The following NPHP1 variants were observed in gnomAD, a reference collection of about 807,000 sequenced individuals.
NPHP1 encodes nephrocystin-1.
Under a neutral mutation model 90.4 loss-of-function variants are expected in NPHP1, and 70 were observed. The ratio of observed to expected loss-of-function variants is 0.77; its 90% CI spans 0.64 to 0.95. The LOEUF (loss-of-function observed/expected upper bound fraction) is 0.95. Ranked by LOEUF, NPHP1 falls within the 40% of genes least tolerant of loss-of-function variation. The probability of loss-of-function intolerance (pLI) is 0.00; values close to 1 mark genes in which losing one functional copy is unlikely to be tolerated. For missense variants in NPHP1, 764 were observed against 795.9 expected (o/e 0.96, Z 0.48); for synonymous variants, 256 against 271.7 (o/e 0.94, Z 0.57).
intron 17 of NPHP1, among the ~76,000 whole-genome samples, chr2:110,131,432 C>T (rs560209816): frequency 6.6e-6 from 1 of 152,260 alleles, no homozygotes; most frequent in South Asian, 2.1e-4. Context: ...CTCTTGGGAT[C>T]TCAAAACTCT....
intron 2 of NPHP1, among the ~76,000 whole-genome samples, chr2:110,192,424 G>A (rs1574194216): frequency 1.3e-5 from 2 of 152,154 alleles, no homozygotes; most frequent in East Asian, 3.9e-4. Context: ...AAGATCAAAT[G>A]AATGAAATAA....
intron 2 of NPHP1, among the ~76,000 whole-genome samples, chr2:110,192,340 A>T (rs1057287360): frequency 1.6e-4 from 24 of 152,200 alleles, no homozygotes; most frequent in Admixed American, 3.3e-4. Flanking sequence ...AAACCATGGC[A>T]CAAGAACTAC....
intron 2 of NPHP1, among the ~76,000 whole-genome samples, chr2:110,194,270 A>G (rs909257471): frequency 3.3e-5 from 5 of 152,096 alleles, no homozygotes; most frequent in African/African-American, 1.2e-4. Context: ...CAAGACTAAT[A>G]AAGAAGAAAA....
intron 2 of NPHP1, among the ~76,000 whole-genome samples, chr2:110,195,559 C>G (rs1203788338): frequency 1.3e-5 from 2 of 152,072 alleles, no homozygotes; most frequent in Non-Finnish European, 1.5e-5. Flanking sequence ...GTATCAATAT[C>G]GTGAAAATGA....
intron 16 of NPHP1, among the ~76,000 whole-genome samples, chr2:110,138,168 C>G (rs1445359651): frequency 6.9e-6 from 1 of 144,612 alleles, no homozygotes. Context: ...ACACCGGGGC[C>G]TGTTGTGGGG....
At chr2:110,186,154 A>G (rs1251121893) in intron 2 of NPHP1, among the ~76,000 whole-genome samples, 1 of 152,070 alleles carries the variant, frequency 6.6e-6, no homozygotes, top group Non-Finnish European at 1.5e-5. Flanking sequence ...ATTGGTAGCT[A>G]TACTCAAAGA....
intron 6 of NPHP1, 52 bp from the exon 7 acceptor site, chr2:110,165,207 C>G (rs780526560): frequency 7.3e-7 from 1 of 1,377,284 alleles, no homozygotes; most frequent in Non-Finnish European, 1.0e-6. Flanking sequence ...AAAAAACAAC[C>G]AATAAAAATA....
At chr2:110,126,049 T>C (rs913695772) in intron 18 of NPHP1, 31 of 291,970 alleles carry the variant, frequency 1.1e-4, no homozygotes, top group Non-Finnish European at 9.2e-5. Flanking sequence ...CACTGCCAAA[T>C]ACCAAACTTT....
At chr2:110,150,425 G>A (rs139613348) in intron 11 of NPHP1, among the ~76,000 whole-genome samples, 169 bp from the exon 12 acceptor site, 85 of 152,138 alleles carry the variant, frequency 5.6e-4, no homozygotes, top group African/African-American at 2.0e-3. Flanking sequence ...TTTATATCAG[G>A]TATGACATAA....
intron 2 of NPHP1, among the ~76,000 whole-genome samples, chr2:110,183,261 T>C (rs950553075): frequency 2.6e-5 from 4 of 152,246 alleles, no homozygotes; most frequent in Admixed American, 1.3e-4. Flanking sequence ...TTTACCAGAA[T>C]GAGGGAAAGG....
chr2:110,196,247 T>A (rs1432960263), intron 2 of NPHP1, among the ~76,000 whole-genome samples: 1 of 152,004 alleles, frequency 6.6e-6, no homozygotes, highest in Non-Finnish European at 1.5e-5. Context: ...ATTGTTGCAA[T>A]CTACTCATCT....
intron 4 of NPHP1, among the ~76,000 whole-genome samples, chr2:110,172,962 CTT>C (rs559012343): frequency 6.6e-5 from 9 of 136,068 alleles, no homozygotes; most frequent in Non-Finnish European, 7.9e-5. Flanking sequence ...TTTTCTTTTT[CTT>C]TTTTTTTTTT....
intron 4 of NPHP1, among the ~76,000 whole-genome samples, chr2:110,172,144 A>G (rs1044289735): frequency 6.6e-6 from 1 of 152,122 alleles, no homozygotes; most frequent in Non-Finnish European, 1.5e-5. Flanking sequence ...TTTCTTTTTA[A>G]AGAAACTAAT....
intron 11 of NPHP1, among the ~76,000 whole-genome samples, chr2:110,159,258 G>A (rs1057254209): frequency 2.6e-4 from 40 of 151,798 alleles, no homozygotes; most frequent in Admixed American, 1.1e-3. Context: ...GTAATGTCTT[G>A]TCATATTCTG....
At chr2:110,132,000 A>T (rs1245068479) in intron 16 of NPHP1, among the ~76,000 whole-genome samples, 2 of 152,162 alleles carry the variant, frequency 1.3e-5, no homozygotes, top group Admixed American at 1.3e-4. Flanking sequence ...TCGAGTCTCA[A>T]CCCTGTGTTG....
chr2:110,162,994 G>T, intron 9 of NPHP1, 54 bp downstream of exon 9: 1 of 1,216,854 alleles, frequency 8.2e-7, no homozygotes, highest in Non-Finnish European at 1.2e-6. Context: ...AAAATTAGAC[G>T]TGGATCTTGA....
intron 19 of NPHP1, chr2:110,125,215 T>G (rs1409297976): frequency 7.8e-6 from 12 of 1,535,042 alleles, no homozygotes; most frequent in Non-Finnish European, 7.8e-6. Flanking sequence ...GGATTGGTAA[T>G]TACCATGATT....
intron 16 of NPHP1, among the ~76,000 whole-genome samples, chr2:110,134,197 G>A (rs1280522147): frequency 6.6e-6 from 1 of 151,948 alleles, no homozygotes; most frequent in African/African-American, 2.4e-5. Flanking sequence ...TAAAAAATGT[G>A]TAAGAGAGTA....
At chr2:110,140,879 T>C (rs900218705) in intron 16 of NPHP1, among the ~76,000 whole-genome samples, 2 of 152,206 alleles carry the variant, frequency 1.3e-5, no homozygotes, top group African/African-American at 4.8e-5. Context: ...GTTAACACTA[T>C]AATTATAAAA....
Sources: allele counts gnomAD v4.1 joint callset (sites outside exome capture counted in the v4.1 genomes callset), GRCh38; gene constraint gnomAD v4.1.1; transcripts MANE v1.5; gene names NCBI Gene and HGNC (gene_info 2026-07-23, HGNC 2026-07-21).